The following ALDOC variants were observed in gnomAD, a reference collection of about 807,000 sequenced individuals.
ALDOC encodes the protein fructose-bisphosphate aldolase C.
Under a neutral mutation model 39.5 loss-of-function variants are expected in ALDOC, and 23 were observed. That is an observed-to-expected ratio of 0.58 (90% CI 0.42 to 0.82). The LOEUF (loss-of-function observed/expected upper bound fraction) is 0.82, where lower values mean the gene tolerates loss of function less well. Among genes scored for constraint, ALDOC ranks in the 40% least tolerant of loss-of-function variants. The probability of loss-of-function intolerance (pLI) is 0.00; values close to 1 mark genes in which losing one functional copy is unlikely to be tolerated. For missense variants in ALDOC, 356 were observed against 479.1 expected, an observed-to-expected ratio of 0.74 and a Z score of 2.40; for synonymous variants, 160 against 182.6, an observed-to-expected ratio of 0.88 and a Z score of 1.00.
Position 28,573,957 on chromosome 17 carries a change from AACTG to A in ALDOC, c.800-27_800-24del. ...CTCCTAGTGTGGAGGAGAGAAGACA[AACTG>A]ACTGGTCACTCCCAATTTTTCCAGG... On this transcript the variant is annotated intron_variant, in intron 7 of 8. Transcript: ENST00000226253. This position sits in a 1 kb window ranked among gnomAD's most constrained non-coding sequence, Gnocchi z 4.3. 1 of 1,613,722 alleles carries A rather than the reference AACTG, an allele frequency of 6.2e-7. No individual in the cohort carries two copies. Among genetic ancestry groups the A allele is most frequent in the South Asian group, 1.1e-5 (1 of 91,076 alleles).
chr17:28,574,257 A>T lies in ALDOC; in HGVS notation c.625-16T>A. On this transcript the variant is annotated splice_polypyrimidine_tract_variant and intron_variant, in intron 6 of 8. Transcript: ENST00000226253. ...CAGCCAAGACCTGGGTGGGGATTAG[A>T]GGAGGTTTACTAAGGGTCTGGGCCC... 6.3e-7 allele frequency: 1 copy of T among 1,575,256 alleles called. No homozygotes were observed. Among genetic ancestry groups the T allele is most frequent in the Non-Finnish European group, 8.6e-7 (1 of 1,161,348 alleles).
chr17:28,573,462 C>T lies in ALDOC; in HGVS notation c.*64G>A. ...GCTCTGCATAGCTATTTGGCCCTGG[C>T]CATGACTACAAGCAAAAGTGGGTGC... On this transcript the variant is annotated 3_prime_UTR_variant, in exon 9 of 9. Transcript: ENST00000226253. This position sits in a 1 kb window ranked among gnomAD's most constrained non-coding sequence, Gnocchi z 4.3. The T allele has an allele frequency of 6.6e-7, 1 of 1,505,064 alleles. No individual in the cohort carries two copies. Among genetic ancestry groups the T allele is most frequent in the Non-Finnish European group, 9.2e-7 (1 of 1,081,116 alleles). The allele number at this position is 1,505,064 out of a possible 1,614,324, so 93.2% of individuals were successfully genotyped here.
rs2070498517 is a variant in ALDOC, at chr17:28,576,823, C to T, written c.-35G>A. 1.0e-6 allele frequency: 1 copy of T among 985,394 alleles called. No individual in the cohort carries two copies. The highest frequency in any genetic ancestry group is 1.2e-6 in the Non-Finnish European group (1 of 829,918). 61.0% of individuals were successfully genotyped at this position (985,394 alleles called of 1,614,324 possible). ...TACCTGTGCGCAGCCAGTTAGCAGC[C>T]GCAGCCACAAGCACAGCTCGGGTTC... On this transcript the variant is annotated 5_prime_UTR_variant, in exon 1 of 9. Transcript: ENST00000226253.
chr17:28,573,371 C>T lies in ALDOC; in HGVS notation c.*155G>A, dbSNP rs1207582087. 8 of 705,752 alleles carry T rather than the reference C, an allele frequency of 1.1e-5. No homozygotes were observed. The highest frequency in any genetic ancestry group is 1.8e-5 in the Non-Finnish European group (7 of 395,602). 43.7% of individuals were successfully genotyped at this position (705,752 alleles called of 1,614,324 possible). On this transcript the variant is annotated 3_prime_UTR_variant, in exon 9 of 9. Coordinates refer to ENST00000226253, the MANE Select transcript of ALDOC (RefSeq NM_005165.3). This position sits in a 1 kb window ranked among gnomAD's most constrained non-coding sequence, Gnocchi z 4.3. ...TCCTCCCATCCTATGGTCCCAGGTGCAGCAATGAGAGAGGGGAAGGGAAGA... is the reference window on the plus strand; with the variant it reads ...TCCTCCCATCCTATGGTCCCAGGTGTAGCAATGAGAGAGGGGAAGGGAAGA...
Position 28,575,377 on chromosome 17 carries a change from C to A in ALDOC, c.113-43G>T. ...GAGGCAGTGAGAACATCCCCAGGGTCCCCTAGCCACCTGTACCCTACCTGG... is the reference window on the plus strand; with the variant it reads ...GAGGCAGTGAGAACATCCCCAGGGTACCCTAGCCACCTGTACCCTACCTGG... On this transcript the variant is annotated intron_variant, in intron 2 of 8. Transcript: ENST00000226253. The surrounding 1 kb of genome is among the most constrained non-coding windows in gnomAD (Gnocchi z 4.3). 1 of 1,614,184 alleles carries A rather than the reference C, an allele frequency of 6.2e-7. No individual in the cohort carries two copies. The highest frequency in any genetic ancestry group is 8.5e-7 in the Non-Finnish European group (1 of 1,180,018).
chr17:28,573,684 G>C lies in ALDOC; in HGVS notation c.999+51C>G. 1 of 1,613,782 alleles carries C rather than the reference G, an allele frequency of 6.2e-7. No individual in the cohort carries two copies. The highest frequency in any genetic ancestry group is 8.5e-7 in the Non-Finnish European group (1 of 1,179,782). On this transcript the variant is annotated intron_variant, in intron 8 of 8. Coordinates refer to ENST00000226253, the MANE Select transcript of ALDOC (RefSeq NM_005165.3). This position sits in a 1 kb window ranked among gnomAD's most constrained non-coding sequence, Gnocchi z 4.3. ...CCCACAGGTGCCAAGCCCTGCCCAG[G>C]CTATAGCCTCTGGGTGCTGCCCCCA...
chr17:28,575,372 A>G lies in ALDOC; in HGVS notation c.113-38T>C, dbSNP rs755895845. 6.2e-7 allele frequency: 1 copy of G among 1,614,156 alleles called. No homozygotes were observed. Among genetic ancestry groups the G allele is most frequent in the Admixed American group, 1.7e-5 (1 of 60,014 alleles). ...AAAGAGAGGCAGTGAGAACATCCCC[A>G]GGGTCCCCTAGCCACCTGTACCCTA... is the stretch of plus-strand genomic sequence containing the variant. On this transcript the variant is annotated intron_variant, in intron 2 of 8. Transcript: ENST00000226253. The surrounding 1 kb of genome is among the most constrained non-coding windows in gnomAD (Gnocchi z 4.3).
At chr17:28,574,655 C>T (rs1423719322) in intron 5 of ALDOC, 41 bp downstream of exon 5, 1 of 1,613,868 alleles carries the variant, frequency 6.2e-7, no homozygotes, top group South Asian at 1.1e-5. Context: ...CCCCACCAGG[C>T]ATACAGGGCA....
Position 28,575,656 on chromosome 17 carries a change from C to G in ALDOC, c.-12-112G>C, listed in dbSNP as rs1258179924. On this transcript the variant is annotated intron_variant, in intron 1 of 8. Transcript: ENST00000226253. This position sits in a 1 kb window ranked among gnomAD's most constrained non-coding sequence, Gnocchi z 4.3. ...AAGGGGCTGGGAACAGGGCAGCAGT[C>G]CTTGGCATGAGTCCTGGGCATCAAG... 1.5e-6 allele frequency: 2 copies of G among 1,350,532 alleles called. No homozygotes were observed. The highest frequency in any genetic ancestry group is 1.5e-5 in the African/African-American group (1 of 68,402). The allele number at this position is 1,350,532 out of a possible 1,614,324, so 83.7% of individuals were successfully genotyped here.
intron 4 of ALDOC, 33 bp downstream of exon 4, chr17:28,574,919 C>T: frequency 1.2e-6 from 2 of 1,614,200 alleles, no homozygotes; most frequent in Non-Finnish European, 1.7e-6. Flanking sequence ...CTATCTAACA[C>T]CTCTTTGGTC....
chr17:28,573,880 T>A lies in ALDOC; in HGVS notation c.854A>T (p.Asn285Ile), dbSNP rs760663322. Residue 285 changes from asparagine (N) to isoleucine (I), a missense_variant, in exon 8 of 9, where the codon AAT becomes ATT. Transcript: ENST00000226253. The surrounding 1 kb of genome is among the most constrained non-coding windows in gnomAD (Gnocchi z 4.3). Reference protein sequence around the residue: ...QSEEEASFNLNAINRCPLPRP... With the variant: ...QSEEEASFNLIAINRCPLPRP... ...GGGAAGGGGGCAGCGGTTGATGGCATTGAGGTTGAATGATGCCTCTTCTTC... is the reference window on the plus strand; with the variant it reads ...GGGAAGGGGGCAGCGGTTGATGGCAATGAGGTTGAATGATGCCTCTTCTTC... 6.2e-7 allele frequency: 1 copy of A among 1,614,028 alleles called. No individual in the cohort carries two copies. The highest frequency in any genetic ancestry group is 8.5e-7 in the Non-Finnish European group (1 of 1,180,018).
Position 28,575,255 on chromosome 17 carries a change from G to T in ALDOC, c.192C>A (p.Phe64Leu). 1 of 1,614,142 alleles carries T rather than the reference G, an allele frequency of 6.2e-7. No individual in the cohort carries two copies. The highest frequency in any genetic ancestry group is 8.5e-7 in the Non-Finnish European group (1 of 1,180,032). The change falls in exon 3 of 9, where the codon TTC (phenylalanine) becomes TTA (leucine). Residue 64 changes from phenylalanine (F) to leucine (L), a missense_variant. Phe to Leu is a conservative substitution (Grantham distance 22). Transcript: ENST00000226253. This position sits in a 1 kb window ranked among gnomAD's most constrained non-coding sequence, Gnocchi z 4.3. ...ACTTTTTCACACGGTCATCAGCACT[G>T]AACAGGACCTGGCGGTACAGCCGGC... ...ENRRLYRQVL[F>L]SADDRVKKCI...
At chr17:28,574,428 C>T in intron 6 of ALDOC, 66 bp downstream of exon 6, 3 of 1,554,160 alleles carry the variant, frequency 1.9e-6, no homozygotes, top group Non-Finnish European at 2.7e-6. Context: ...GCTGGGGGTT[C>T]TGGGGAACAG....
At position 28,573,962 on chromosome 17, in the gene ALDOC, A is replaced by T; in HGVS notation, c.800-28T>A. The T allele has an allele frequency of 6.2e-7, 1 of 1,613,492 alleles. No individual in the cohort carries two copies. The highest frequency in any genetic ancestry group is 8.5e-7 in the Non-Finnish European group (1 of 1,179,584). ...AGTGTGGAGGAGAGAAGACAAACTGACTGGTCACTCCCAATTTTTCCAGGA... is the reference window on the plus strand; with the variant it reads ...AGTGTGGAGGAGAGAAGACAAACTGTCTGGTCACTCCCAATTTTTCCAGGA... On this transcript the variant is annotated intron_variant, in intron 7 of 8. Coordinates refer to ENST00000226253, the MANE Select transcript of ALDOC (RefSeq NM_005165.3). This position sits in a 1 kb window ranked among gnomAD's most constrained non-coding sequence, Gnocchi z 4.3.
chr17:28,575,165 G>A lies in ALDOC; in HGVS notation c.282C>T (p.Phe94=), dbSNP rs200784054. Residue 94 remains phenylalanine, a synonymous_variant, in exon 3 of 9, where the codon TTC becomes TTT. Transcript: ENST00000226253. The surrounding 1 kb of genome is among the most constrained non-coding windows in gnomAD (Gnocchi z 4.3). ...TGCCCTTATCCTGGATGGTTCGGAC[G>A]AAGGGAACACCATTATCATCTTTCT... The part of the protein sequence containing the change: ...LYQKDDNGVP[F]VRTIQDKGIV... The A allele has an allele frequency of 4.3e-6, 7 of 1,614,166 alleles. No individual in the cohort carries two copies. The highest frequency in any genetic ancestry group is 2.2e-5 in the East Asian group (1 of 44,886).
At position 28,575,806 on chromosome 17, in the gene ALDOC, C is replaced by G. The variant is rs192474585; in HGVS notation, c.-12-262G>C. ...AGGGTGGGGGTGGGGAGGTGAGCAG[C>G]CCTGAAGCCACAGCTCTTCTGATAA... On this transcript the variant is annotated intron_variant, in intron 1 of 8. Coordinates refer to ENST00000226253, the MANE Select transcript of ALDOC (RefSeq NM_005165.3). The surrounding 1 kb of genome is among the most constrained non-coding windows in gnomAD (Gnocchi z 4.3). 26 of 580,620 alleles carry G rather than the reference C, an allele frequency of 4.5e-5. No individual in the cohort carries two copies. The East Asian group carries it at 9.5e-4, about 21-fold the overall frequency. 36.0% of individuals were successfully genotyped at this position (580,620 alleles called of 1,614,324 possible).
chr17:28,574,366 C>T (rs2070461776), intron 6 of ALDOC, 125 bp from the exon 7 acceptor site: 2 of 1,439,666 alleles, frequency 1.4e-6, no homozygotes, highest in African/African-American at 2.8e-5. Flanking sequence ...GATCACAGGC[C>T]TGTGCCGGGA....
Position 28,575,962 on chromosome 17 carries a change from T to TA in ALDOC, c.-12-419dup. On this transcript the variant is annotated intron_variant, in intron 1 of 8. Coordinates refer to ENST00000226253, the MANE Select transcript of ALDOC (RefSeq NM_005165.3). The surrounding 1 kb of genome is among the most constrained non-coding windows in gnomAD (Gnocchi z 4.3). Reference sequence around the variant, plus strand: ...ACAGGACCCCTAGGGAAAGTGTACTTACTTCCAAGGCTTCAGAATGAGGCA... The same window carrying TA: ...ACAGGACCCCTAGGGAAAGTGTACTTAACTTCCAAGGCTTCAGAATGAGGCA... The TA allele has an allele frequency of 9.8e-6, 10 of 1,020,898 alleles. No individual in the cohort carries two copies. Among genetic ancestry groups the TA allele is most frequent in the Non-Finnish European group, 1.2e-5 (10 of 850,120 alleles). 63.2% of individuals were successfully genotyped at this position (1,020,898 alleles called of 1,614,324 possible).
At chr17:28,576,639 G>T (rs368338953) in intron 1 of ALDOC, among the ~76,000 whole-genome samples, 162 bp downstream of exon 1, 1 of 151,170 alleles carries the variant, frequency 6.6e-6, no homozygotes, top group Non-Finnish European at 1.5e-5. Context: ...AACAGAAGAG[G>T]TTGAGCCATG....
Sources: allele counts gnomAD v4.1 joint callset (sites outside exome capture counted in the v4.1 genomes callset), GRCh38; gene constraint gnomAD v4.1.1; non-coding constraint Gnocchi (gnomAD v3.1); transcripts MANE v1.5; gene names NCBI Gene and HGNC (gene_info 2026-07-23, HGNC 2026-07-21).